RNF169: variants seen among roughly 807,000 people sequenced by gnomAD.
RNF169 encodes the protein ring finger protein 169, also known as E3 ubiquitin-protein ligase RNF169.
Under a neutral mutation model 53.9 loss-of-function variants are expected in RNF169, and 24 were observed. The observed-to-expected ratio is 0.45, with a 90% CI of 0.32 to 0.63. The LOEUF (loss-of-function observed/expected upper bound fraction) is 0.63. Ranked by LOEUF, RNF169 falls within the 20% of genes least tolerant of loss-of-function variation. The pLI, the probability that RNF169 is intolerant of heterozygous loss-of-function variation, is 0.04. For synonymous variants in RNF169, 396 were observed against 363.5 expected (o/e 1.09, Z -1.02); for missense variants, 883 against 906.2 (o/e 0.97, Z 0.33).
At chr11:74,775,679 A>T (rs1315002040) in intron 1 of RNF169, among the ~76,000 whole-genome samples, 1 of 152,170 alleles carries the variant, frequency 6.6e-6, no homozygotes, top group Non-Finnish European at 1.5e-5. Flanking sequence ...ATTTATACTC[A>T]TCCTTCAAGA....
chr11:74,761,568 T>C (rs1443231896), intron 1 of RNF169, among the ~76,000 whole-genome samples: 2 of 152,080 alleles, frequency 1.3e-5, no homozygotes, highest in African/African-American at 2.4e-5. Flanking sequence ...CCTTCACTTA[T>C]GAAGCTTAGT....
At chr11:74,825,862 C>T (rs556915726) in intron 4 of RNF169, among the ~76,000 whole-genome samples, 12 of 152,176 alleles carry the variant, frequency 7.9e-5, no homozygotes, top group African/African-American at 1.2e-4. Flanking sequence ...AAGAACGGCC[C>T]GAGACTAGGT....
At chr11:74,783,535 A>G (rs2035447594) in intron 1 of RNF169, among the ~76,000 whole-genome samples, 1 of 152,198 alleles carries the variant, frequency 6.6e-6, no homozygotes, top group African/African-American at 2.4e-5. Flanking sequence ...AGTTTCCAGC[A>G]TTTCTGTTCT....
chr11:74,753,321 G>A (rs973594621), intron 1 of RNF169, among the ~76,000 whole-genome samples: 1 of 152,124 alleles, frequency 6.6e-6, no homozygotes, highest in African/African-American at 2.4e-5. Flanking sequence ...GAAAACTGAG[G>A]CCCAGAACAG....
Position 74,770,897 on chromosome 11 carries a change from C to G in RNF169, c.503-18729C>G, listed in dbSNP as rs181125355. Among the ~76,000 whole-genome samples, 721 of 152,224 alleles carry G rather than the reference C, an allele frequency of 4.7e-3. 11 individuals carry two copies. Among genetic ancestry groups the G allele is most frequent in the African/African-American group, 0.017 (687 of 41,528 alleles). The stretch of plus-strand genomic sequence containing the variant: ...CTCAGCTCACTACAACCTCTGCCTC[C>G]TGGGTTCAAGGGATTCTCCTGCCTC... On this transcript the variant is annotated intron_variant, in intron 1 of 5. Transcript: ENST00000299563.
chr11:74,771,636 T>G (rs1183488132), intron 1 of RNF169, among the ~76,000 whole-genome samples: 5 of 151,776 alleles, frequency 3.3e-5, no homozygotes, highest in African/African-American at 1.2e-4. Flanking sequence ...CCCAGGAGTT[T>G]GGGGCTGCAG....
intron 2 of RNF169, among the ~76,000 whole-genome samples, chr11:74,799,182 T>C (rs2035694469): frequency 6.6e-6 from 1 of 150,622 alleles, no homozygotes; most frequent in South Asian, 2.2e-4. Context: ...TGCTAGCATA[T>C]CTCTTTCTAG....
At chr11:74,806,485 C>G (rs1292887698) in intron 2 of RNF169, among the ~76,000 whole-genome samples, 2 of 152,154 alleles carry the variant, frequency 1.3e-5, no homozygotes, top group African/African-American at 4.8e-5. Flanking sequence ...GTGTGTATAC[C>G]TGCATACATA....
At chr11:74,810,399 T>C in intron 3 of RNF169, 69 bp downstream of exon 3, 1 of 1,413,278 alleles carries the variant, frequency 7.1e-7, no homozygotes, top group Non-Finnish European at 9.9e-7. Context: ...GACCTGGACC[T>C]GAAAGACCTA....
chr11:74,806,277 TTAAAA>T (rs2035804501), intron 2 of RNF169, among the ~76,000 whole-genome samples: 2 of 152,302 alleles, frequency 1.3e-5, no homozygotes, highest in African/African-American at 4.8e-5. Flanking sequence ...GAAATACAAA[TTAAAA>T]TAATGCAGTG....
At chr11:74,798,549 T>C (rs2035683214) in intron 2 of RNF169, among the ~76,000 whole-genome samples, 1 of 152,224 alleles carries the variant, frequency 6.6e-6, no homozygotes, top group African/African-American at 2.4e-5. Context: ...GCAATTTTAA[T>C]TTCGCCTCGG....
In RNF169 at chr11:74,759,624, G is replaced by A. The variant is rs1487445385; in HGVS notation, c.502+10242G>A. On this transcript the variant is annotated intron_variant, in intron 1 of 5. Coordinates refer to ENST00000299563, the MANE Select transcript of RNF169 (RefSeq NM_001098638.2). ...TGCTGGATTACATTTATTGATTTGC[G>A]GATATTGAACCAGCCTTGCATCCCA... 6.2e-5 allele frequency among the ~76,000 whole-genome samples: 9 copies of A among 145,766 alleles called. No homozygotes were observed. In the South Asian group the frequency reaches 8.7e-4, roughly 14 times the overall value.
Position 74,749,234 on chromosome 11 carries a change from C to A in RNF169, c.354C>A (p.Ala118=), listed in dbSNP as rs2034844362. ...GCCCAGGCTGGGCCCGCCGTCGGGCCCGCGACGACGGCCAGGCCGACTCAG... is the reference window on the plus strand; with the variant it reads ...GCCCAGGCTGGGCCCGCCGTCGGGCACGCGACGACGGCCAGGCCGACTCAG... ...ARGPGWARRR[A]RDDGQADSEV... Residue 118 remains alanine, a synonymous_variant, in exon 1 of 6, where the codon GCC becomes GCA. Transcript: ENST00000299563. The A allele has an allele frequency of 1.0e-5, 11 of 1,079,608 alleles. No homozygotes were observed. Among genetic ancestry groups the A allele is most frequent in the South Asian group, 4.3e-5 (1 of 23,190 alleles). 66.9% of individuals were successfully genotyped at this position (1,079,608 alleles called of 1,614,324 possible).
intron 3 of RNF169, among the ~76,000 whole-genome samples, chr11:74,816,689 T>C (rs866840813): frequency 6.6e-6 from 1 of 152,214 alleles, no homozygotes; most frequent in South Asian, 2.1e-4. Flanking sequence ...GGGTGTAGCA[T>C]ATCCAAATGG....
chr11:74,772,929 A>C (rs2035281490), intron 1 of RNF169, among the ~76,000 whole-genome samples: 2 of 152,238 alleles, frequency 1.3e-5, no homozygotes, highest in Non-Finnish European at 2.9e-5. Context: ...AGGTACTAAT[A>C]GTCCATAGTA....
intron 2 of RNF169, among the ~76,000 whole-genome samples, chr11:74,809,236 A>G (rs189108123): frequency 9.2e-5 from 14 of 152,232 alleles, no homozygotes; most frequent in East Asian, 1.9e-4. Flanking sequence ...AATTGCTTTG[A>G]TATACATCAT....
At chr11:74,775,115 T>C (rs1765219723) in intron 1 of RNF169, among the ~76,000 whole-genome samples, 3 of 152,230 alleles carry the variant, frequency 2.0e-5, no homozygotes, top group Non-Finnish European at 4.4e-5. Context: ...CTTTTCAAGA[T>C]AGATGATATC....
At chr11:74,800,889 C>T (rs1448042590) in intron 2 of RNF169, among the ~76,000 whole-genome samples, 1 of 152,168 alleles carries the variant, frequency 6.6e-6, no homozygotes. Context: ...AAACATGTGA[C>T]TGATAATATA....
intron 1 of RNF169, among the ~76,000 whole-genome samples, chr11:74,767,559 T>TTTTTTA (rs1243435066): frequency 1.3e-5 from 2 of 151,784 alleles, no homozygotes; most frequent in African/African-American, 2.4e-5. Context: ...TGGATAATTC[T>TTTTTTA]TTTTTATTTT....
Sources: allele counts gnomAD v4.1 joint callset (sites outside exome capture counted in the v4.1 genomes callset), GRCh38; gene constraint gnomAD v4.1.1; transcripts MANE v1.5; gene names NCBI Gene and HGNC (gene_info 2026-07-23, HGNC 2026-07-21).